Variants in CTNND2 observed in about 807,000 individuals in gnomAD.
CTNND2 encodes the protein catenin delta-2.
A neutral mutation model predicts 144.4 loss-of-function variants in CTNND2; 22 were observed. The observed-to-expected ratio is 0.15, with a 90% confidence interval of 0.11 to 0.22. The LOEUF is 0.22. Ranked by LOEUF, CTNND2 falls within the 10% of genes least tolerant of loss-of-function variation. CTNND2 has a pLI of 1.00. For missense variants in CTNND2, 1,353 were observed against 1,618.8 expected (o/e 0.84, Z 2.82); for synonymous variants, 751 against 695.6 (o/e 1.08, Z -1.25).
chr5:11,888,014 T>C (rs530824482), intron 1 of CTNND2, among the ~76,000 whole-genome samples: 1 of 152,328 alleles, frequency 6.6e-6, no homozygotes, highest in South Asian at 2.1e-4. Context: ...GGATGCTAAA[T>C]TATATTTTAA....
chr5:11,283,355 G>A (rs569661812), intron 9 of CTNND2, among the ~76,000 whole-genome samples: 3 of 151,814 alleles, frequency 2.0e-5, no homozygotes, highest in East Asian at 1.9e-4. Flanking sequence ...CAACTTCCTC[G>A]CTACTGTTAA....
intron 1 of CTNND2, among the ~76,000 whole-genome samples, chr5:11,901,513 T>C (rs962536558): frequency 1.2e-4 from 19 of 152,372 alleles, no homozygotes; most frequent in Non-Finnish European, 2.5e-4. Context: ...TTGTGAAAGA[T>C]GTAAAGTGGA....
At chr5:11,305,476 T>C (rs1416446415) in intron 9 of CTNND2, among the ~76,000 whole-genome samples, 1 of 152,230 alleles carries the variant, frequency 6.6e-6, no homozygotes, top group East Asian at 1.9e-4. Flanking sequence ...AGCAATTCCA[T>C]GTGCCCTCAC....
chr5:11,352,904 T>A (rs372026196), intron 8 of CTNND2, among the ~76,000 whole-genome samples: 13 of 152,194 alleles, frequency 8.5e-5, no homozygotes, highest in African/African-American at 2.6e-4. Flanking sequence ...AGCGAATTAA[T>A]AAAAAAGGAA....
intron 11 of CTNND2, among the ~76,000 whole-genome samples, chr5:11,174,272 C>T (rs190840662): frequency 1.3e-5 from 2 of 152,228 alleles, no homozygotes; most frequent in African/African-American, 2.4e-5. Flanking sequence ...GAGCCTTCAG[C>T]ATTTAAATGG....
At chr5:11,243,818 C>G (rs1346518850) in intron 9 of CTNND2, among the ~76,000 whole-genome samples, 1 of 152,182 alleles carries the variant, frequency 6.6e-6, no homozygotes, top group Non-Finnish European at 1.5e-5. Flanking sequence ...TCTTATCAAG[C>G]TTCCCCATTG....
chr5:11,596,273 A>AT (rs1299526882), intron 2 of CTNND2, among the ~76,000 whole-genome samples: 1 of 152,158 alleles, frequency 6.6e-6, no homozygotes, highest in Non-Finnish European at 1.5e-5. Flanking sequence ...ATTTGTTTCA[A>AT]TTTTTTGCAT....
chr5:11,108,145 A>T (rs1390067280), intron 14 of CTNND2, among the ~76,000 whole-genome samples: 1 of 152,116 alleles, frequency 6.6e-6, no homozygotes, highest in Non-Finnish European at 1.5e-5. Flanking sequence ...GATAGAGGGG[A>T]TGTTTTATTT....
chr5:11,775,109 G>A (rs1219898131), intron 1 of CTNND2, among the ~76,000 whole-genome samples: 2 of 152,052 alleles, frequency 1.3e-5, no homozygotes, highest in East Asian at 3.9e-4. Context: ...TCTTTCAAAA[G>A]GCTGAGAAAA....
In CTNND2 at chr5:11,634,866, A is replaced by G. The variant is rs556903391; in HGVS notation, c.175-69810T>C. Among the ~76,000 whole-genome samples, 48 of 152,276 alleles carry G rather than the reference A, an allele frequency of 3.2e-4. 4 individuals carry two copies. In the South Asian group the frequency reaches 9.7e-3, roughly 31 times the overall value. ...GCTTGTGGTATCAGATGGTGTGAAT[A>G]AGTCAAGTAGCTTCAGAAATGAAAA... On this transcript the variant is annotated intron_variant, in intron 2 of 21. Coordinates refer to ENST00000304623, the MANE Select transcript of CTNND2 (RefSeq NM_001332.4).
intron 2 of CTNND2, among the ~76,000 whole-genome samples, chr5:11,730,618 C>G (rs1459842055): frequency 6.6e-6 from 1 of 152,170 alleles, no homozygotes; most frequent in East Asian, 1.9e-4. Context: ...ATAGTTTGAT[C>G]CAGTTTGCCA....
At chr5:11,248,679 T>C (rs564114588) in intron 9 of CTNND2, among the ~76,000 whole-genome samples, 1 of 152,288 alleles carries the variant, frequency 6.6e-6, no homozygotes, top group East Asian at 1.9e-4. Flanking sequence ...GAAGCCACAA[T>C]GATACAGGTA....
At chr5:11,276,818 C>G (rs1446660093) in intron 9 of CTNND2, among the ~76,000 whole-genome samples, 2 of 151,966 alleles carry the variant, frequency 1.3e-5, no homozygotes, top group East Asian at 3.9e-4. Flanking sequence ...AGGAAGGCCA[C>G]GTGAAGATGG....
At chr5:11,599,651 A>C (rs145844875) in intron 2 of CTNND2, among the ~76,000 whole-genome samples, 2 of 152,140 alleles carry the variant, frequency 1.3e-5, no homozygotes, top group African/African-American at 4.8e-5. Context: ...GTACTTATTC[A>C]TGAGGTCCAC....
At chr5:11,082,140 T>A (rs1749640184) in intron 16 of CTNND2, among the ~76,000 whole-genome samples, 1 of 152,222 alleles carries the variant, frequency 6.6e-6, no homozygotes, top group African/African-American at 2.4e-5. Context: ...TGCTTATTGA[T>A]TTAATCTCTG....
intron 2 of CTNND2, among the ~76,000 whole-genome samples, chr5:11,575,762 C>A (rs1046536510): frequency 1.3e-5 from 2 of 152,074 alleles, no homozygotes; most frequent in Non-Finnish European, 2.9e-5. Context: ...TCTGACACAC[C>A]ACCTCCTGCT....
intron 16 of CTNND2, among the ~76,000 whole-genome samples, chr5:11,029,830 C>T (rs1743253693): frequency 6.6e-6 from 1 of 152,102 alleles, no homozygotes; most frequent in Non-Finnish European, 1.5e-5. Flanking sequence ...TTTATAATTG[C>T]CCATGTATTT....
intron 9 of CTNND2, among the ~76,000 whole-genome samples, chr5:11,322,413 T>C (rs539002551): frequency 6.6e-6 from 1 of 152,338 alleles, no homozygotes; most frequent in Admixed American, 6.5e-5. Context: ...AATGAAAGCA[T>C]AGTTGCATAA....
At chr5:11,425,576 G>A (rs527339874) in intron 3 of CTNND2, among the ~76,000 whole-genome samples, 2 of 152,194 alleles carry the variant, frequency 1.3e-5, no homozygotes, top group African/African-American at 2.4e-5. Flanking sequence ...ACTGCCAGTC[G>A]AATGTATAAA....
Sources: gnomAD v4.1 joint callset for allele counts (sites outside exome capture counted in the v4.1 genomes callset) on GRCh38, gnomAD v4.1.1 for gene constraint, MANE v1.5 for transcripts, NCBI Gene and HGNC (gene_info 2026-07-23, HGNC 2026-07-21) for gene names.